Variants in ZCCHC7 observed in about 807,000 individuals in gnomAD.
ZCCHC7 encodes zinc finger CCHC-type containing 7.
A neutral mutation model predicts 52.0 loss-of-function variants in ZCCHC7; 35 were observed. The ratio of observed to expected loss-of-function variants is 0.67; its 90% CI spans 0.51 to 0.89. The LOEUF (loss-of-function observed/expected upper bound fraction) is 0.89, where lower values mean the gene tolerates loss of function less well. ZCCHC7 is among the 40% of genes least tolerant of loss of function. The pLI, the probability that ZCCHC7 is intolerant of heterozygous loss-of-function variation, is 0.00. For synonymous variants in ZCCHC7, 217 were observed against 221.5 expected (o/e 0.98, Z 0.18); for missense variants, 574 against 649.1 (o/e 0.88, Z 1.26).
chr9:37,144,497 CTT>C (rs1008908681), intron 2 of ZCCHC7, among the ~76,000 whole-genome samples: 2 of 151,970 alleles, frequency 1.3e-5, no homozygotes, highest in African/African-American at 2.4e-5. Context: ...GCTGAAAACT[CTT>C]TTGTGATAAA....
intron 2 of ZCCHC7, among the ~76,000 whole-genome samples, chr9:37,258,743 G>A (rs563665252): frequency 1.0e-4 from 12 of 118,200 alleles, no homozygotes; most frequent in African/African-American, 1.7e-4. Flanking sequence ...GTGAGAGAGC[G>A]AGATCCTGTC....
Position 37,237,543 on chromosome 9 carries a change from G to A in ZCCHC7, c.611-64645G>A, listed in dbSNP as rs1021404738. On this transcript the variant is annotated intron_variant, in intron 2 of 8. Coordinates refer to ENST00000336755, the MANE Select transcript of ZCCHC7 (RefSeq NM_032226.3). Reference sequence around the variant, plus strand: ...ATTTATATATTTCATCTCCTTAACCGTACTGTAAACCTCTCTGAGTCAGGA... The same window carrying A: ...ATTTATATATTTCATCTCCTTAACCATACTGTAAACCTCTCTGAGTCAGGA... 1.4e-4 allele frequency among the ~76,000 whole-genome samples: 21 copies of A among 152,016 alleles called. No individual in the cohort carries two copies. The South Asian group carries it at 1.5e-3, about 11-fold the overall frequency.
chr9:37,259,218 T>G (rs1826746178), intron 2 of ZCCHC7, among the ~76,000 whole-genome samples: 1 of 152,176 alleles, frequency 6.6e-6, no homozygotes, highest in African/African-American at 2.4e-5. Flanking sequence ...TGTTTAAAGC[T>G]TTTTTCCTTT....
At chr9:37,287,206 T>C (rs867909528) in intron 2 of ZCCHC7, among the ~76,000 whole-genome samples, 57 of 149,508 alleles carry the variant, frequency 3.8e-4, no homozygotes, top group Middle Eastern at 6.8e-3. Flanking sequence ...TGATTTTCTT[T>C]CTCTAGAAAA....
At chr9:37,247,807 G>T (rs1181812001) in intron 2 of ZCCHC7, among the ~76,000 whole-genome samples, 1 of 152,002 alleles carries the variant, frequency 6.6e-6, no homozygotes, top group African/African-American at 2.4e-5. Context: ...TCCCAACTAA[G>T]TAGTTCTCTG....
At chr9:37,321,934 T>C (rs919138932) in intron 5 of ZCCHC7, among the ~76,000 whole-genome samples, 1 of 152,224 alleles carries the variant, frequency 6.6e-6, no homozygotes, top group Non-Finnish European at 1.5e-5. Context: ...ATGTCAGCGC[T>C]CAGATTTCAT....
At chr9:37,208,065 T>A (rs12001602) in intron 2 of ZCCHC7, among the ~76,000 whole-genome samples, 1,782 of 152,250 alleles carry the variant, frequency 0.012, 37 homozygotes, top group African/African-American at 0.041. Context: ...TCCTGGTTTC[T>A]CCAGTGTATT....
chr9:37,175,335 T>TC (rs780921427), intron 2 of ZCCHC7, among the ~76,000 whole-genome samples: 2 of 152,170 alleles, frequency 1.3e-5, no homozygotes, highest in Non-Finnish European at 2.9e-5. Context: ...TTGTTTTTGT[T>TC]CTGGCAGCTC....
chr9:37,323,766 T>A (rs1830138720), intron 5 of ZCCHC7, among the ~76,000 whole-genome samples: 1 of 152,194 alleles, frequency 6.6e-6, no homozygotes, highest in African/African-American at 2.4e-5. Flanking sequence ...AAATTTTCCT[T>A]CTAGGAGAAA....
intron 1 of ZCCHC7, among the ~76,000 whole-genome samples, chr9:37,123,396 A>T (rs1588332743): frequency 1.3e-5 from 2 of 152,346 alleles, no homozygotes; most frequent in South Asian, 4.1e-4. Context: ...CGTTATGCCC[A>T]GCACAATTTT....
At chr9:37,225,773 A>G (rs1475188407) in intron 2 of ZCCHC7, among the ~76,000 whole-genome samples, 2 of 152,224 alleles carry the variant, frequency 1.3e-5, no homozygotes, top group Non-Finnish European at 2.9e-5. Context: ...AAGTCTTGCA[A>G]ACTAGGAGTA....
In ZCCHC7 at chr9:37,326,757, T is replaced by C. The variant is rs900830189; in HGVS notation, c.952-1042T>C. On this transcript the variant is annotated intron_variant, in intron 5 of 8. Coordinates refer to ENST00000336755, the MANE Select transcript of ZCCHC7 (RefSeq NM_032226.3). ...CTTTGAAAAATAAATGAAAGAGGAA[T>C]GACAAATCAAGTAAAGAGTTGTTTC... Among the ~76,000 whole-genome samples, 10 of 152,000 alleles carry C rather than the reference T, an allele frequency of 6.6e-5. No homozygotes were observed. The South Asian group carries it at 1.9e-3, about 28-fold the overall frequency.
chr9:37,283,030 T>A (rs1828045799), intron 2 of ZCCHC7, among the ~76,000 whole-genome samples: 2 of 151,978 alleles, frequency 1.3e-5, no homozygotes, highest in Admixed American at 1.3e-4. Flanking sequence ...TAGTTCCTCT[T>A]GGGTTGAGAC....
intron 2 of ZCCHC7, among the ~76,000 whole-genome samples, chr9:37,258,800 CTTAA>C (rs983280873): frequency 1.9e-3 from 255 of 133,448 alleles, no homozygotes; most frequent in African/African-American, 4.6e-3. Context: ...GTTCTGAGGG[CTTAA>C]TTGTCAATAT....
chr9:37,305,372 A>G (rs1367072156), intron 4 of ZCCHC7, among the ~76,000 whole-genome samples, 172 bp from the exon 5 acceptor site: 1 of 152,226 alleles, frequency 6.6e-6, no homozygotes, highest in East Asian at 1.9e-4. Flanking sequence ...GGCAAACAAT[A>G]TACATACAGT....
chr9:37,348,347 G>GTTCGTTCTTTCT lies in ZCCHC7; in HGVS notation c.988-1007_988-1006insGTTCTTTCTTTC, dbSNP rs370166957. Among the ~76,000 whole-genome samples the GTTCGTTCTTTCT allele has an allele frequency of 3.1e-3, 414 of 135,578 alleles. 1 individual carries two copies. Among genetic ancestry groups the GTTCGTTCTTTCT allele is most frequent in the African/African-American group, 8.1e-3 (266 of 32,944 alleles). The allele number at this position is 135,578 out of a possible 152,430, so 88.9% of individuals were successfully genotyped here. Reference sequence around the variant, plus strand: ...TTCAATGACCAAGTGATACCAGTTCGTTCTTTCTTTCTTTCTTTCTTTCTT... The same window carrying GTTCGTTCTTTCT: ...TTCAATGACCAAGTGATACCAGTTCGTTCGTTCTTTCTTTCTTTCTTTCTTTCTTTCTTTCTT... On this transcript the variant is annotated intron_variant, in intron 6 of 8. Coordinates refer to ENST00000336755, the MANE Select transcript of ZCCHC7 (RefSeq NM_032226.3).
intron 5 of ZCCHC7, 81 bp downstream of exon 5, chr9:37,305,795 ATCAG>A: frequency 7.0e-7 from 1 of 1,434,634 alleles, no homozygotes; most frequent in African/African-American, 1.4e-5. Flanking sequence ...GTTTATAACT[ATCAG>A]TCAGCATACC....
At chr9:37,331,130 A>C (rs1268153172) in intron 6 of ZCCHC7, among the ~76,000 whole-genome samples, 5 of 151,664 alleles carry the variant, frequency 3.3e-5, no homozygotes, top group Non-Finnish European at 5.9e-5. Flanking sequence ...AGCAAATGTA[A>C]CTGTTTTAGA....
At chr9:37,217,372 C>G (rs1050072591) in intron 2 of ZCCHC7, among the ~76,000 whole-genome samples, 11 of 152,016 alleles carry the variant, frequency 7.2e-5, no homozygotes, top group African/African-American at 2.7e-4. Context: ...TGGAAATTTT[C>G]TGTTTTAGTC....
Sources: gnomAD v4.1 joint callset for allele counts (sites outside exome capture counted in the v4.1 genomes callset) on GRCh38, gnomAD v4.1.1 for gene constraint, MANE v1.5 for transcripts, NCBI Gene and HGNC (gene_info 2026-07-23, HGNC 2026-07-21) for gene names.